The following VPS13B variants were observed in gnomAD, a reference collection of about 807,000 sequenced individuals.
The protein encoded by VPS13B is intermembrane lipid transfer protein VPS13B.
Under a neutral mutation model 426.4 loss-of-function variants are expected in VPS13B, and 285 were observed. The observed-to-expected ratio is 0.67, with a 90% CI of 0.61 to 0.74. The LOEUF (loss-of-function observed/expected upper bound fraction) is 0.74. VPS13B is among the 30% of genes least tolerant of loss of function. The pLI, the probability that VPS13B is intolerant of heterozygous loss-of-function variation, is 0.00. For synonymous variants in VPS13B, 1,676 were observed against 1,676.4 expected (o/e 1.00, Z 0.01); for missense variants, 4,537 against 4,782.6 (o/e 0.95, Z 1.51).
At chr8:99,830,598 G>C (rs1366583950) in intron 51 of VPS13B, among the ~76,000 whole-genome samples, 2 of 152,150 alleles carry the variant, frequency 1.3e-5, no homozygotes, top group Non-Finnish European at 2.9e-5. Context: ...CCCCTTTCCA[G>C]GGGAGTGAAC....
intron 39 of VPS13B, among the ~76,000 whole-genome samples, chr8:99,739,401 G>A (rs868294105): frequency 6.6e-6 from 1 of 152,208 alleles, no homozygotes; most frequent in Admixed American, 6.5e-5. Context: ...CTGGGGGCAG[G>A]GCATAGCCAA....
chr8:99,700,257 G>A (rs1027428459), intron 36 of VPS13B, among the ~76,000 whole-genome samples: 4 of 152,182 alleles, frequency 2.6e-5, no homozygotes, highest in African/African-American at 7.2e-5. Flanking sequence ...CATAAGAAGA[G>A]TGTTTCTCAA....
At chr8:99,560,881 T>A (rs985065095) in intron 31 of VPS13B, among the ~76,000 whole-genome samples, 4 of 152,186 alleles carry the variant, frequency 2.6e-5, no homozygotes, top group African/African-American at 9.6e-5. Context: ...GTCTTAAAAA[T>A]CACAAATTCT....
intron 19 of VPS13B, among the ~76,000 whole-genome samples, chr8:99,294,464 G>A (rs1180737989): frequency 4.1e-5 from 6 of 147,174 alleles, no homozygotes; most frequent in Admixed American, 2.0e-4. Context: ...TGGGTGCAGC[G>A]CACCAGCATG....
chr8:99,136,649 A>G lies in VPS13B; in HGVS notation c.1564-16A>G. ...TTTATACAATGTTTATTCTGTTTGCATTGCTTTGTTGGCAGGAGACATACA... is the reference window on the plus strand; with the variant it reads ...TTTATACAATGTTTATTCTGTTTGCGTTGCTTTGTTGGCAGGAGACATACA... On this transcript the variant is annotated splice_polypyrimidine_tract_variant and intron_variant, in intron 11 of 61. Coordinates refer to ENST00000357162, the MANE Select transcript of VPS13B (RefSeq NM_152564.5). 6.2e-7 allele frequency: 1 copy of G among 1,613,182 alleles called. No individual in the cohort carries two copies. Among genetic ancestry groups the G allele is most frequent in the Non-Finnish European group, 8.5e-7 (1 of 1,179,360 alleles).
chr8:99,795,549 A>T (rs923316749), intron 43 of VPS13B, among the ~76,000 whole-genome samples: 1 of 152,152 alleles, frequency 6.6e-6, no homozygotes, highest in African/African-American at 2.4e-5. Context: ...ATTACCCCAA[A>T]ACTTGAGTAG....
At chr8:99,808,479 G>A (rs1020374068) in intron 43 of VPS13B, among the ~76,000 whole-genome samples, 1 of 141,482 alleles carries the variant, frequency 7.1e-6, no homozygotes, top group South Asian at 2.2e-4. Context: ...TCGTGTCACT[G>A]CACTCCAGCC....
chr8:99,271,368 T>C (rs1588195580), intron 17 of VPS13B, among the ~76,000 whole-genome samples: 1 of 152,174 alleles, frequency 6.6e-6, no homozygotes, highest in African/African-American at 2.4e-5. Flanking sequence ...ATACAGCATT[T>C]TAGATACCAT....
chr8:99,103,592 C>T (rs540600366), intron 5 of VPS13B, among the ~76,000 whole-genome samples: 9 of 151,182 alleles, frequency 6.0e-5, no homozygotes, highest in South Asian at 2.1e-4. Context: ...TCCACCTCCC[C>T]GGGTTCACAC....
intron 17 of VPS13B, among the ~76,000 whole-genome samples, chr8:99,270,463 A>G (rs979703217): frequency 1.3e-5 from 2 of 152,030 alleles, no homozygotes; most frequent in African/African-American, 4.8e-5. Flanking sequence ...AAGATGTTTC[A>G]GATAACTTAT....
intron 43 of VPS13B, among the ~76,000 whole-genome samples, chr8:99,790,270 A>G (rs1183807406): frequency 1.3e-5 from 2 of 152,130 alleles, no homozygotes; most frequent in Non-Finnish European, 2.9e-5. Flanking sequence ...CACATGCTAC[A>G]CCATGATTTA....
intron 5 of VPS13B, among the ~76,000 whole-genome samples, chr8:99,104,657 T>A (rs1846947891): frequency 6.6e-6 from 1 of 151,514 alleles, no homozygotes; most frequent in African/African-American, 2.4e-5. Context: ...AGGGTCTCAT[T>A]CTGTTGCCCA....
At position 99,091,743 on chromosome 8, in the gene VPS13B, A is replaced by G. The variant is rs1275683291; in HGVS notation, c.292-4569A>G. 2 of 152,210 alleles carry G rather than the reference A, an allele frequency of 1.3e-5. 1 individual carries two copies. The highest frequency in any genetic ancestry group is 6.3e-3 in the Middle Eastern group (2 of 316). 9.4% of individuals were successfully genotyped at this position (152,210 alleles called of 1,614,324 possible). ...ATTACTCTCAGAGATTCTTTATTGC[A>G]TCTGGCTGTTGTCATTGTACTTGCT... On this transcript the variant is annotated intron_variant, in intron 3 of 61. Coordinates refer to ENST00000357162, the MANE Select transcript of VPS13B (RefSeq NM_152564.5).
In VPS13B at chr8:99,274,082, G is replaced by A. The variant is rs990810896; in HGVS notation, c.2516-116G>A. The A allele has an allele frequency of 1.2e-5, 17 of 1,412,328 alleles. No individual in the cohort carries two copies. The South Asian group carries it at 1.5e-4, about 13-fold the overall frequency. 87.5% of individuals were successfully genotyped at this position (1,412,328 alleles called of 1,614,324 possible). A position where few individuals can be genotyped will look rare whatever the true frequency, so the allele number is the denominator to read the frequency against. The stretch of plus-strand genomic sequence containing the variant: ...AACTATGAAACCTAACACAAATACT[G>A]TAAGAACATCTGAGGTAGACAGTTA... On this transcript the variant is annotated intron_variant, in intron 17 of 61. Coordinates refer to ENST00000357162, the MANE Select transcript of VPS13B (RefSeq NM_152564.5).
In VPS13B at chr8:99,075,501, A is replaced by G. The variant is rs181345104; in HGVS notation, c.292-20811A>G. ...GGCAGTTTTTCCCCATGATCCAGTC[A>G]CCTCTCACCAGGCCTCACCTCCAAC... On this transcript the variant is annotated intron_variant, in intron 3 of 61. Transcript: ENST00000357162. 7.2e-5 allele frequency among the ~76,000 whole-genome samples: 11 copies of G among 152,092 alleles called. No homozygotes were observed. In the East Asian group the frequency reaches 2.1e-3, roughly 29 times the overall value.
chr8:99,115,872 C>T lies in VPS13B; in HGVS notation c.935C>T (p.Thr312Ile). Residue 312 changes from threonine (T) to isoleucine (I), a missense_variant and splice_region_variant, in exon 7 of 62, where the codon ACA (threonine) becomes ATA (isoleucine). Coordinates refer to ENST00000357162, the MANE Select transcript of VPS13B (RefSeq NM_152564.5). ...CHNKDMLGNITGSEDETRIDM... is the reference protein window; with the variant it reads ...CHNKDMLGNIIGSEDETRIDM... ...AATAAAGATATGCTAGGAAACATTACAGGTAATGTAAAACTTTATTAAACA... is the reference window on the plus strand; with the variant it reads ...AATAAAGATATGCTAGGAAACATTATAGGTAATGTAAAACTTTATTAAACA... The T allele has an allele frequency of 1.9e-6, 3 of 1,611,724 alleles. No individual in the cohort carries two copies. Among genetic ancestry groups the T allele is most frequent in the Non-Finnish European group, 2.5e-6 (3 of 1,179,312 alleles).
At chr8:99,717,649 A>C (rs1294377012) in intron 37 of VPS13B, among the ~76,000 whole-genome samples, 1 of 152,166 alleles carries the variant, frequency 6.6e-6, no homozygotes, top group Non-Finnish European at 1.5e-5. Flanking sequence ...ACCAACAAAA[A>C]AACCCATATC....
At chr8:99,235,255 A>G (rs1319930667) in intron 17 of VPS13B, among the ~76,000 whole-genome samples, 2 of 152,240 alleles carry the variant, frequency 1.3e-5, no homozygotes, top group Admixed American at 1.3e-4. Flanking sequence ...AGCAGCTGAC[A>G]GCAGGTGAGA....
Position 99,855,355 on chromosome 8 carries a change from C to T in VPS13B, c.10867+1099C>T, listed in dbSNP as rs560067625. On this transcript the variant is annotated intron_variant, in intron 56 of 61. Coordinates refer to ENST00000357162, the MANE Select transcript of VPS13B (RefSeq NM_152564.5). ...TATGATCACATCACTACACTCCAGCCGGGGTGACAGAGCAAGACCTTGTCC... is the reference window on the plus strand; with the variant it reads ...TATGATCACATCACTACACTCCAGCTGGGGTGACAGAGCAAGACCTTGTCC... Among the ~76,000 whole-genome samples, 34 of 152,220 alleles carry T rather than the reference C, an allele frequency of 2.2e-4. No individual in the cohort carries two copies. In the South Asian group the frequency reaches 2.5e-3, roughly 11 times the overall value.
Sources: allele counts gnomAD v4.1 joint callset (sites outside exome capture counted in the v4.1 genomes callset), GRCh38; gene constraint gnomAD v4.1.1; transcripts MANE v1.5; gene names NCBI Gene and HGNC (gene_info 2026-07-23, HGNC 2026-07-21).